The following TSHZ2 variants were observed in gnomAD, a reference collection of about 807,000 sequenced individuals.
The protein encoded by TSHZ2 is teashirt zinc finger homeobox 2.
A neutral mutation model predicts 74.4 loss-of-function variants in TSHZ2; 21 were observed. That is an observed-to-expected ratio of 0.28 (90% CI 0.20 to 0.41). The LOEUF (loss-of-function observed/expected upper bound fraction) is 0.41, where lower values mean the gene tolerates loss of function less well. TSHZ2 is among the 10% of genes least tolerant of loss of function. The probability of loss-of-function intolerance (pLI) is 1.00; values close to 1 mark genes in which losing one functional copy is unlikely to be tolerated. For missense variants in TSHZ2, 1,244 were observed against 1,293.5 expected, an observed-to-expected ratio of 0.96 and a Z score of 0.59; for synonymous variants, 540 against 515.3, an observed-to-expected ratio of 1.05 and a Z score of -0.65.
intron 2 of TSHZ2, among the ~76,000 whole-genome samples, chr20:53,407,772 C>T (rs190787147): frequency 1.3e-5 from 2 of 152,320 alleles, no homozygotes; most frequent in Admixed American, 1.3e-4. Context: ...TGCTTTTTCA[C>T]TATGGTGCAG....
chr20:53,166,005 T>A (rs1988053999), intron 1 of TSHZ2, among the ~76,000 whole-genome samples: 1 of 152,200 alleles, frequency 6.6e-6, no homozygotes, highest in Non-Finnish European at 1.5e-5. Flanking sequence ...ATATGTTTAG[T>A]TGTCCCGTTC....
chr20:53,156,734 G>T (rs866352951), intron 1 of TSHZ2, among the ~76,000 whole-genome samples: 1 of 152,166 alleles, frequency 6.6e-6, no homozygotes, highest in Non-Finnish European at 1.5e-5. Context: ...ACCAAATGTC[G>T]TGATTTCTAC....
At chr20:53,292,448 T>A (rs200637) in intron 2 of TSHZ2, among the ~76,000 whole-genome samples, 12 of 12,808 alleles carry the variant, frequency 9.4e-4, no homozygotes, top group African/African-American at 7.0e-3. Context: ...AAACCACCTA[T>A]TTTTTTTTTT....
rs78028846 is a variant in TSHZ2, at chr20:53,438,413, T to C, written c.*9-48731T>C. Among the ~76,000 whole-genome samples the C allele has an allele frequency of 7.7e-3, 1,179 of 152,252 alleles. 4 individuals are homozygous for C. The highest frequency in any genetic ancestry group is 0.037 in the South Asian group (179 of 4,824). ...CCAGCCTGCAAGGGCATAATTTTCA[T>C]GTGGTGGCTCAGAAACCTCCAGCAG... On this transcript the variant is annotated intron_variant, in intron 2 of 2. Coordinates refer to ENST00000371497, the MANE Select transcript of TSHZ2 (RefSeq NM_173485.6).
At chr20:53,080,870 A>G (rs1985513393) in intron 1 of TSHZ2, among the ~76,000 whole-genome samples, 1 of 152,178 alleles carries the variant, frequency 6.6e-6, no homozygotes, top group African/African-American at 2.4e-5. Context: ...ACCAGCTATG[A>G]GTTTGGGATT....
chr20:53,323,403 C>T (rs1445494839), intron 2 of TSHZ2, among the ~76,000 whole-genome samples: 1 of 69,174 alleles, frequency 1.4e-5, no homozygotes, highest in Admixed American at 1.4e-4. Flanking sequence ...CCTGGAAATA[C>T]TTGTTTGATG....
chr20:53,491,541 T>G lies in TSHZ2; in HGVS notation c.*4406T>G, dbSNP rs946108384. The G allele has an allele frequency of 3.3e-5, 5 of 152,212 alleles. No individual in the cohort carries two copies. The highest frequency in any genetic ancestry group is 5.9e-5 in the Non-Finnish European group (4 of 68,022). The allele number at this position is 152,212 out of a possible 1,614,324, so 9.4% of individuals were successfully genotyped here. ...TCCAAAGTAAAAGCCACTTATCTCC[T>G]TTGGTTCCCAGTGACAGATTCAGAG... On this transcript the variant is annotated 3_prime_UTR_variant, in exon 3 of 3. Transcript: ENST00000371497.
At chr20:52,998,186 G>A (rs1315919201) in intron 1 of TSHZ2, among the ~76,000 whole-genome samples, 2 of 151,844 alleles carry the variant, frequency 1.3e-5, no homozygotes. Flanking sequence ...CTTTTTTTGG[G>A]GGGACAGAGT....
chr20:52,995,094 G>A (rs1462141936), intron 1 of TSHZ2, among the ~76,000 whole-genome samples: 2 of 152,170 alleles, frequency 1.3e-5, no homozygotes, highest in South Asian at 2.1e-4. Context: ...AGCACCTCTA[G>A]AGGTCAAACT....
intron 1 of TSHZ2, among the ~76,000 whole-genome samples, chr20:53,091,100 G>A (rs554687457): frequency 6.8e-4 from 103 of 152,274 alleles, no homozygotes; most frequent in Non-Finnish European, 1.2e-3. Flanking sequence ...TAATTGTAAT[G>A]TATTTATTTT....
At chr20:53,154,075 A>G (rs1987736307) in intron 1 of TSHZ2, among the ~76,000 whole-genome samples, 1 of 152,240 alleles carries the variant, frequency 6.6e-6, no homozygotes, top group Admixed American at 6.5e-5. Flanking sequence ...CAATGGAAAA[A>G]TAAATGCTAT....
chr20:53,297,882 C>A (rs796632768), intron 2 of TSHZ2, among the ~76,000 whole-genome samples: 11 of 152,270 alleles, frequency 7.2e-5, no homozygotes, highest in African/African-American at 2.6e-4. Flanking sequence ...ATCCCTCAAC[C>A]CTGGAAGGTT....
At chr20:52,995,539 A>G (rs887433379) in intron 1 of TSHZ2, among the ~76,000 whole-genome samples, 1 of 151,944 alleles carries the variant, frequency 6.6e-6, no homozygotes, top group African/African-American at 2.4e-5. Flanking sequence ...TACATTCTCT[A>G]TAGGGTTGCA....
rs1239241912 is a variant in TSHZ2, at chr20:53,493,723, A to G, written c.*6588A>G. ...TTTCACTTCTTTTTGATGATTATAA[A>G]TTGTCCTTGCAATGAAAAAAAAAAA... On this transcript the variant is annotated 3_prime_UTR_variant, in exon 3 of 3. Transcript: ENST00000371497. The G allele has an allele frequency of 6.6e-6, 1 of 151,460 alleles. No individual in the cohort carries two copies. The highest frequency in any genetic ancestry group is 1.5e-5 in the Non-Finnish European group (1 of 67,896). 9.4% of individuals were successfully genotyped at this position (151,460 alleles called of 1,614,324 possible).
Position 53,253,835 on chromosome 20 carries a change from C to T in TSHZ2, c.377C>T (p.Thr126Ile), listed in dbSNP as rs751107835. The change falls in exon 2 of 3, where the codon ACC becomes ATC. Residue 126 changes from threonine (T) to isoleucine (I), a missense_variant. Transcript: ENST00000371497. ...GCACACAATTGCATGGATAAAATGA[C>T]CGCTGTCTACGCCAACATCCTGTCG... is the stretch of plus-strand genomic sequence containing the variant. ...NEAHNCMDKM[T>I]AVYANILSDS... 6.2e-7 allele frequency: 1 copy of T among 1,614,190 alleles called. No homozygotes were observed. The highest frequency in any genetic ancestry group is 8.5e-7 in the Non-Finnish European group (1 of 1,180,034).
At chr20:53,128,876 T>C (rs965749658) in intron 1 of TSHZ2, among the ~76,000 whole-genome samples, 4 of 152,102 alleles carry the variant, frequency 2.6e-5, no homozygotes, top group African/African-American at 9.7e-5. Context: ...CCCCTCGGCC[T>C]CCCAAAGTGC....
At chr20:53,107,125 G>A (rs759581521) in intron 1 of TSHZ2, among the ~76,000 whole-genome samples, 12 of 152,156 alleles carry the variant, frequency 7.9e-5, no homozygotes, top group African/African-American at 1.7e-4. Flanking sequence ...ATATGGACAT[G>A]CAGATGACTT....
intron 1 of TSHZ2, among the ~76,000 whole-genome samples, chr20:53,165,461 G>A (rs903604108): frequency 6.6e-6 from 1 of 152,208 alleles, no homozygotes; most frequent in Non-Finnish European, 1.5e-5. Context: ...GGTGGCGATT[G>A]AAAATTTTCT....
chr20:53,024,976 T>G (rs568740268), intron 1 of TSHZ2, among the ~76,000 whole-genome samples: 3 of 152,300 alleles, frequency 2.0e-5, no homozygotes, highest in African/African-American at 7.2e-5. Flanking sequence ...TGTATCTTTA[T>G]CTTGCAGGTA....
Sources: gnomAD v4.1 joint callset for allele counts (sites outside exome capture counted in the v4.1 genomes callset) on GRCh38, gnomAD v4.1.1 for gene constraint, MANE v1.5 for transcripts, NCBI Gene and HGNC (gene_info 2026-07-23, HGNC 2026-07-21) for gene names.